The following KMT2E variants were observed in gnomAD, a reference collection of about 807,000 sequenced individuals.
KMT2E encodes lysine methyltransferase 2E (inactive), also known as histone reader KMT2E.
Under a neutral mutation model 184.6 loss-of-function variants are expected in KMT2E, and 30 were observed. That is an observed-to-expected ratio of 0.16 (90% CI 0.12 to 0.22). KMT2E has a LOEUF of 0.22. Among genes scored for constraint, KMT2E ranks in the 10% least tolerant of loss-of-function variants. KMT2E has a pLI of 1.00. For missense variants in KMT2E, 2,023 were observed against 2,237.4 expected, an observed-to-expected ratio of 0.90 and a Z score of 1.93; for synonymous variants, 815 against 776.5, an observed-to-expected ratio of 1.05 and a Z score of -0.82.
intron 1 of KMT2E, among the ~76,000 whole-genome samples, chr7:105,016,244 A>G (rs185632753): frequency 5.3e-5 from 8 of 152,256 alleles, no homozygotes; most frequent in African/African-American, 1.7e-4. Context: ...TAGAGATGCC[A>G]TTATATTTTG....
chr7:105,030,958 C>A (rs926943742), intron 1 of KMT2E, among the ~76,000 whole-genome samples: 2 of 152,124 alleles, frequency 1.3e-5, no homozygotes, highest in African/African-American at 4.8e-5. Flanking sequence ...GAAGAAAAAT[C>A]TCAAGTTTTC....
chr7:105,024,079 GGAT>G (rs1308460519), intron 1 of KMT2E, among the ~76,000 whole-genome samples: 1 of 152,090 alleles, frequency 6.6e-6, no homozygotes, highest in Non-Finnish European at 1.5e-5. Flanking sequence ...TAGTGAATTT[GGAT>G]GATAATTTAA....
chr7:105,081,028 A>T (rs1026934006), intron 12 of KMT2E, among the ~76,000 whole-genome samples: 1 of 150,800 alleles, frequency 6.6e-6, no homozygotes, highest in Admixed American at 6.6e-5. Context: ...ACAACAAAAA[A>T]CCCTAAGATG....
At chr7:105,030,069 T>C (rs1363486659) in intron 1 of KMT2E, among the ~76,000 whole-genome samples, 1 of 152,186 alleles carries the variant, frequency 6.6e-6, no homozygotes, top group African/African-American at 2.4e-5. Context: ...ATGATCTAAT[T>C]GTGGAAGCTA....
rs747348417 is a variant in KMT2E, at chr7:105,112,479, A to G, written c.4723A>G (p.Ser1575Gly). The G allele has an allele frequency of 6.2e-7, 1 of 1,613,906 alleles. No individual in the cohort carries two copies. The highest frequency in any genetic ancestry group is 1.1e-5 in the South Asian group (1 of 91,080). Reference protein sequence around the residue: ...NFQNYNQLKGSLSQQTVFTSG... With the variant: ...NFQNYNQLKGGLSQQTVFTSG... ...TCAGAATTATAATCAGCTCAAAGGT[A>G]GTCTTTCTCAACAAACTGTGTTTAC... Residue 1575 changes from serine to glycine, a missense_variant, in exon 27 of 27, where the codon AGT (serine) becomes GGT (glycine). Ser to Gly is a moderately conservative substitution (Grantham distance 56, BLOSUM62 0). Transcript: ENST00000311117.
Position 105,101,442 on chromosome 7 carries a change from A to G in KMT2E, c.1740A>G (p.Lys580=). ...RKRKMTREER[K]MEAILQAFAR... is the part of the protein sequence containing the mutation. The stretch of plus-strand genomic sequence containing the variant: ...TTTCATAGACAAGAGAAGAAAGAAA[A>G]ATGGAAGCAATTTTGCAAGCTTTTG... The change falls in exon 16 of 27, where the codon AAA becomes AAG. Residue 580 remains lysine, a synonymous_variant. Transcript: ENST00000311117. 1 of 1,553,824 alleles carries G rather than the reference A, an allele frequency of 6.4e-7. No homozygotes were observed. Among genetic ancestry groups the G allele is most frequent in the Non-Finnish European group, 8.6e-7 (1 of 1,161,484 alleles).
In KMT2E at chr7:105,090,277, C is replaced by T. The variant is rs1798147276; in HGVS notation, c.1623+4C>T. 1.3e-6 allele frequency: 2 copies of T among 1,577,018 alleles called. No individual in the cohort carries two copies. The highest frequency in any genetic ancestry group is 2.1e-5 in the Admixed American group (1 of 47,922). On this transcript the variant is annotated splice_donor_region_variant and intron_variant, in intron 14 of 26. Coordinates refer to ENST00000311117, the MANE Select transcript of KMT2E (RefSeq NM_182931.3). ...ACTATCAGTATCAAATAATCAGGTACTGAACTCTGCTCTCAATGAAATTGA... is the reference window on the plus strand; with the variant it reads ...ACTATCAGTATCAAATAATCAGGTATTGAACTCTGCTCTCAATGAAATTGA...
intron 13 of KMT2E, among the ~76,000 whole-genome samples, chr7:105,088,090 T>G (rs764262127): frequency 6.6e-6 from 1 of 152,182 alleles, no homozygotes; most frequent in African/African-American, 2.4e-5. Context: ...AGCATAGTTC[T>G]TTGCTCAGTG....
chr7:105,079,411 C>T (rs149858637), intron 12 of KMT2E, among the ~76,000 whole-genome samples: 95 of 149,710 alleles, frequency 6.3e-4, no homozygotes, highest in African/African-American at 1.8e-3. Flanking sequence ...GCTGGGATTA[C>T]GAGTGTAAGC....
rs374000573 is a variant in KMT2E, at chr7:105,113,175, A to G, written c.5419A>G (p.Thr1807Ala). 3.5e-5 allele frequency: 57 copies of G among 1,613,932 alleles called. No individual in the cohort carries two copies. The highest frequency in any genetic ancestry group is 4.2e-5 in the Non-Finnish European group (50 of 1,180,022). ...AGGACCAAACAGTATTCCAACACCT[A>G]CTGCTTCAGGGTTCTGTCCTCATCC... ...PQGPNSIPTP[T>A]ASGFCPHPGS... The change falls in exon 27 of 27, where the codon ACT becomes GCT. Residue 1807 changes from threonine (T) to alanine (A), a missense_variant. Physicochemically the swap from Thr to Ala is moderately conservative, Grantham distance 58. This residue lies in a region of KMT2E where 1,108 missense variants were observed against 1,050.9 expected (regional missense o/e 1.05). Transcript: ENST00000311117.
chr7:105,079,180 G>C (rs1420949642), intron 12 of KMT2E, among the ~76,000 whole-genome samples: 1 of 149,506 alleles, frequency 6.7e-6, no homozygotes, highest in Non-Finnish European at 1.5e-5. Context: ...TTGTTGCCCA[G>C]GCTGGAATAC....
At chr7:105,064,286 G>T (rs1046651944) in intron 5 of KMT2E, among the ~76,000 whole-genome samples, 1 of 149,324 alleles carries the variant, frequency 6.7e-6, no homozygotes, top group South Asian at 2.2e-4. Context: ...GGTGGGAAGC[G>T]CAGAGTACTT....
chr7:105,048,845 T>G (rs1796213564), intron 3 of KMT2E, among the ~76,000 whole-genome samples: 1 of 152,236 alleles, frequency 6.6e-6, no homozygotes, highest in African/African-American at 2.4e-5. Context: ...GACCCAGGGT[T>G]CTAGTTTGCC....
chr7:105,108,322 T>C (rs1226907613), intron 22 of KMT2E, among the ~76,000 whole-genome samples: 1 of 152,194 alleles, frequency 6.6e-6, no homozygotes, highest in Non-Finnish European at 1.5e-5. Flanking sequence ...ATAATATCTA[T>C]AGTATTTAGG....
intron 26 of KMT2E, among the ~76,000 whole-genome samples, chr7:105,111,423 A>G (rs1799266250): frequency 6.6e-6 from 1 of 152,080 alleles, no homozygotes; most frequent in Non-Finnish European, 1.5e-5. Flanking sequence ...TTGAGGGAGC[A>G]AGTTCATTTA....
intron 3 of KMT2E, among the ~76,000 whole-genome samples, chr7:105,043,220 T>TA (rs552512792): frequency 5.3e-5 from 8 of 151,994 alleles, no homozygotes; most frequent in Non-Finnish European, 1.0e-4. Context: ...AGTTCTAACT[T>TA]ACTTAAATTT....
chr7:105,062,111 T>G, intron 3 of KMT2E, 53 bp from the exon 4 acceptor site: 2 of 1,119,082 alleles, frequency 1.8e-6, no homozygotes, highest in Non-Finnish European at 2.7e-6. Context: ...TTAAATTGAT[T>G]AAGAGGAAAA....
intron 5 of KMT2E, 73 bp downstream of exon 5, chr7:105,063,653 T>G (rs1562900941): frequency 9.9e-7 from 1 of 1,005,876 alleles, no homozygotes; most frequent in Non-Finnish European, 1.5e-6. Context: ...AAAAGATAAC[T>G]AAAGTCACTT....
At chr7:105,020,914 C>G (rs1409060644) in intron 1 of KMT2E, among the ~76,000 whole-genome samples, 1 of 152,166 alleles carries the variant, frequency 6.6e-6, no homozygotes, top group Non-Finnish European at 1.5e-5. Flanking sequence ...TTGGGTCTTT[C>G]AGAGAATGTG....
Sources: allele counts gnomAD v4.1 joint callset (sites outside exome capture counted in the v4.1 genomes callset), GRCh38; gene constraint gnomAD v4.1.1; regional missense constraint gnomAD v4.1.1; transcripts MANE v1.5; gene names NCBI Gene and HGNC (gene_info 2026-07-23, HGNC 2026-07-21).